Variants in DENND10 observed in about 807,000 individuals in gnomAD.
The protein encoded by DENND10 is DENN domain containing 10.
A neutral mutation model predicts 43.6 loss-of-function variants in DENND10; 24 were observed. That is an observed-to-expected ratio of 0.55 (90% CI 0.40 to 0.77). The LOEUF is 0.77. Among genes scored for constraint, DENND10 ranks in the 30% least tolerant of loss-of-function variants. The pLI, the probability that DENND10 is intolerant of heterozygous loss-of-function variation, is 0.00. For missense variants in DENND10, 303 were observed against 429.9 expected (o/e 0.70, Z 2.61); for synonymous variants, 125 against 157.6 (o/e 0.79, Z 1.55).
chr10:119,125,379 T>C lies in DENND10; in HGVS notation c.694+1810T>C, dbSNP rs140903759. 1.3e-3 allele frequency among the ~76,000 whole-genome samples: 197 copies of C among 152,136 alleles called. 1 individual carries two copies. The highest frequency in any genetic ancestry group is 4.6e-3 in the African/African-American group (191 of 41,510). On this transcript the variant is annotated intron_variant, in intron 6 of 8. Transcript: ENST00000361432. ...TAGGTATATGTATTTATGGGGTACA[T>C]ATGATGTTTTGATACAGGCCTACAA...
intron 1 of DENND10, chr10:119,105,457 G>T (rs1198402637): frequency 3.2e-6 from 3 of 925,192 alleles, no homozygotes; most frequent in Non-Finnish European, 4.3e-6. Flanking sequence ...ATTAATTTTT[G>T]TATTTTTTGT....
intron 8 of DENND10, among the ~76,000 whole-genome samples, chr10:119,135,810 A>AAAAAAAAAAAAAAAAAAC (rs1846320439): frequency 6.7e-6 from 1 of 150,370 alleles, no homozygotes; most frequent in African/African-American, 2.4e-5. Context: ...AAAAAAAAAA[A>AAAAAAAAAAAAAAAAAAC]AAAAAACCAA....
At chr10:119,121,582 G>A (rs1451436406) in intron 5 of DENND10, among the ~76,000 whole-genome samples, 1 of 151,248 alleles carries the variant, frequency 6.6e-6, no homozygotes, top group Non-Finnish European at 1.5e-5. Flanking sequence ...AGCCTCCCGA[G>A]TAGCTGAGAC....
At chr10:119,128,605 CA>C (rs144367027) in intron 6 of DENND10, among the ~76,000 whole-genome samples, 29 of 140,448 alleles carry the variant, frequency 2.1e-4, no homozygotes, top group African/African-American at 5.2e-4. Context: ...GAGACTGTCT[CA>C]AAAAAAAAAA....
chr10:119,129,949 T>C (rs1021139632), intron 7 of DENND10, among the ~76,000 whole-genome samples: 1 of 152,194 alleles, frequency 6.6e-6, no homozygotes. Context: ...AATTTTGAAA[T>C]GTTTCTGAGT....
intron 7 of DENND10, among the ~76,000 whole-genome samples, chr10:119,131,878 C>A (rs1479223654): frequency 6.6e-6 from 1 of 152,194 alleles, no homozygotes; most frequent in Admixed American, 6.5e-5. Context: ...GAAAGGGTGG[C>A]CATCTTCCTG....
At chr10:119,104,282 C>A in intron 1 of DENND10, 85 bp downstream of exon 1, 1 of 1,320,522 alleles carries the variant, frequency 7.6e-7, no homozygotes, top group Non-Finnish European at 1.0e-6. Flanking sequence ...CGGGCTCCCG[C>A]GGCCCCCGGC....
intron 3 of DENND10, among the ~76,000 whole-genome samples, chr10:119,115,197 T>C (rs967733784): frequency 2.6e-5 from 4 of 152,008 alleles, no homozygotes; most frequent in Admixed American, 6.6e-5. Context: ...ACTCCAGTTC[T>C]ACCTCCTGAT....
chr10:119,123,369 C>A, intron 5 of DENND10, 100 bp from the exon 6 acceptor site: 1 of 833,282 alleles, frequency 1.2e-6, no homozygotes, highest in South Asian at 1.5e-5. Context: ...GCTGTAGACT[C>A]TACCCTCTTC....
chr10:119,106,054 C>T (rs1003859646), intron 1 of DENND10, among the ~76,000 whole-genome samples: 7 of 152,036 alleles, frequency 4.6e-5, no homozygotes, highest in African/African-American at 1.2e-4. Context: ...ATTAACTGGG[C>T]GTGGTGGTGC....
chr10:119,121,851 A>G (rs1564791752), intron 5 of DENND10, among the ~76,000 whole-genome samples: 1 of 152,176 alleles, frequency 6.6e-6, no homozygotes, highest in South Asian at 2.1e-4. Flanking sequence ...TTTACTCATA[A>G]CAAGAACCCT....
chr10:119,109,255 G>A (rs1471891455), intron 2 of DENND10, among the ~76,000 whole-genome samples: 2 of 151,430 alleles, frequency 1.3e-5, no homozygotes, highest in Non-Finnish European at 2.9e-5. Flanking sequence ...GATATTTAAG[G>A]CAGCTTGTGT....
chr10:119,129,470 A>G, intron 6 of DENND10, 45 bp from the exon 7 acceptor site: 1 of 1,286,372 alleles, frequency 7.8e-7, no homozygotes, highest in Non-Finnish European at 1.1e-6. Flanking sequence ...TGGGTTCACC[A>G]TATTTCTTCC....
intron 2 of DENND10, among the ~76,000 whole-genome samples, chr10:119,109,172 C>T (rs1294474159): frequency 1.3e-5 from 2 of 148,790 alleles, no homozygotes; most frequent in East Asian, 2.0e-4. Context: ...GCTGTGATTG[C>T]GCCATTGCAC....
At chr10:119,123,357 T>G (rs1845664776) in intron 5 of DENND10, 112 bp from the exon 6 acceptor site, 1 of 720,498 alleles carries the variant, frequency 1.4e-6, no homozygotes, top group Non-Finnish European at 2.4e-6. Flanking sequence ...TGTCCCTGAT[T>G]AGCTGTAGAC....
intron 8 of DENND10, chr10:119,133,080 C>G (rs1846156165): frequency 1.2e-5 from 2 of 161,382 alleles, no homozygotes; most frequent in Non-Finnish European, 1.4e-5. Context: ...TGCCGCAGAG[C>G]CAGCTCCTTG....
At chr10:119,123,913 C>T (rs1249776975) in intron 6 of DENND10, among the ~76,000 whole-genome samples, 1 of 149,700 alleles carries the variant, frequency 6.7e-6, no homozygotes, top group African/African-American at 2.5e-5. Context: ...AAATTGTGGC[C>T]GGGAGCGGTA....
rs1427483703 is a variant in DENND10 at position 119,137,695 on chromosome 10, C to T, written c.*1048C>T. 6.0e-6 allele frequency: 1 copy of T among 166,166 alleles called. No homozygotes were observed. The highest frequency in any genetic ancestry group is 6.6e-5 in the Admixed American group (1 of 15,108). 10.3% of individuals were successfully genotyped at this position (166,166 alleles called of 1,614,324 possible). ...TGTCCTTGGAAATCTTACCTGGAAA[C>T]ATGTTTGCAAAAAACATTATTGGGT... On this transcript the variant is annotated 3_prime_UTR_variant, in exon 9 of 9. Coordinates refer to ENST00000361432, the MANE Select transcript of DENND10 (RefSeq NM_207009.4).
At chr10:119,127,749 A>C (rs1845899045) in intron 6 of DENND10, among the ~76,000 whole-genome samples, 1 of 151,988 alleles carries the variant, frequency 6.6e-6, no homozygotes, top group African/African-American at 2.4e-5. Flanking sequence ...CAGCCTCCCA[A>C]AGGGCTAGGA....
Sources: allele counts gnomAD v4.1 joint callset (sites outside exome capture counted in the v4.1 genomes callset), GRCh38; gene constraint gnomAD v4.1.1; transcripts MANE v1.5; gene names NCBI Gene and HGNC (gene_info 2026-07-23, HGNC 2026-07-21).